Variants in MRNIP observed in about 807,000 individuals in gnomAD.
MRNIP encodes the protein MRN complex-interacting protein.
In MRNIP, 30 loss-of-function variants were observed where a neutral mutation model predicts 29.8. That is an observed-to-expected ratio of 1.01 (90% CI 0.75 to 1.36). MRNIP has a LOEUF of 1.36. Among genes scored for constraint, MRNIP ranks in the 40% most tolerant of loss-of-function variants. The pLI, the probability that MRNIP is intolerant of heterozygous loss-of-function variation, is 0.00. For missense variants in MRNIP, 459 were observed against 423.5 expected (o/e 1.08, Z -0.74); for synonymous variants, 201 against 164.1 (o/e 1.23, Z -1.72).
At chr5:179,855,832 ACTTCTCAG>A (rs1759552281) in intron 1 of MRNIP, among the ~76,000 whole-genome samples, 1 of 152,054 alleles carries the variant, frequency 6.6e-6, no homozygotes, top group Non-Finnish European at 1.5e-5. Flanking sequence ...TAGCAATTTT[ACTTCTCAG>A]CTTCTACCTT....
rs1758653979 is a variant in MRNIP, at chr5:179,837,601, T to C, written c.822A>G (p.Glu274=). 6.2e-7 allele frequency: 1 copy of C among 1,614,072 alleles called. No homozygotes were observed. The highest frequency in any genetic ancestry group is 8.5e-7 in the Non-Finnish European group (1 of 1,179,936). ...CAGCGGCAGTGGGCCTGCTGAGGCC[T>C]TCTCTTGAGGCCTGTGCTCTGGGGG... The part of the protein sequence containing the change: ...QGTPRAQASR[E]GLSRPTAAVQ... Residue 274 remains glutamate, a synonymous_variant, in exon 7 of 7, where the codon GAA becomes GAG. Transcript: ENST00000292586.
At chr5:179,848,912 T>G (rs1179678771) in intron 2 of MRNIP, among the ~76,000 whole-genome samples, 2 of 152,194 alleles carry the variant, frequency 1.3e-5, no homozygotes, top group African/African-American at 4.8e-5. Context: ...GAGGCCAGCA[T>G]CGCTGGAGCT....
At chr5:179,853,531 T>C in intron 1 of MRNIP, 94 bp from the exon 2 acceptor site, 1 of 1,009,784 alleles carries the variant, frequency 9.9e-7, no homozygotes, top group African/African-American at 1.6e-5. Context: ...AATCCCCCTT[T>C]GGGAGGCCGA....
Position 179,837,424 on chromosome 5 carries a change from A to G in MRNIP, c.999T>C (p.Phe333=), listed in dbSNP as rs781266614. 6.2e-7 allele frequency: 1 copy of G among 1,603,870 alleles called. No individual in the cohort carries two copies. The highest frequency in any genetic ancestry group is 1.3e-5 in the African/African-American group (1 of 74,546). Residue 333 remains phenylalanine, a synonymous_variant, in exon 7 of 7, where the codon TTT becomes TTC. Coordinates refer to ENST00000292586, the MANE Select transcript of MRNIP (RefSeq NM_016175.4). ...NPRPTRLCDL[F]ITGEDFDDDV is the part of the protein sequence containing the mutation. Reference sequence around the variant, plus strand: ...CATCATCGAAGTCTTCCCCAGTTATAAAGAGGTCACATAGTCGTGTGGGTC... The same window carrying G: ...CATCATCGAAGTCTTCCCCAGTTATGAAGAGGTCACATAGTCGTGTGGGTC...
intron 1 of MRNIP, among the ~76,000 whole-genome samples, chr5:179,856,087 T>C (rs571178490): frequency 2.6e-4 from 39 of 152,050 alleles, no homozygotes; most frequent in Non-Finnish European, 4.3e-4. Flanking sequence ...TTTGTATTTT[T>C]AGTAGAGACG....
intron 1 of MRNIP, among the ~76,000 whole-genome samples, chr5:179,856,571 G>A (rs764518944): frequency 6.6e-6 from 1 of 152,172 alleles, no homozygotes; most frequent in Non-Finnish European, 1.5e-5. Flanking sequence ...CTGGACTGAA[G>A]CGATTCTCCT....
chr5:179,851,885 G>T (rs1198217559), intron 2 of MRNIP, among the ~76,000 whole-genome samples: 10 of 152,016 alleles, frequency 6.6e-5, no homozygotes. Flanking sequence ...GGCTGAGGCA[G>T]GAGAATGGCG....
At chr5:179,851,890 A>C (rs1010023617) in intron 2 of MRNIP, among the ~76,000 whole-genome samples, 1 of 152,044 alleles carries the variant, frequency 6.6e-6, no homozygotes, top group Non-Finnish European at 1.5e-5. Context: ...AGGCAGGAGA[A>C]TGGCGTAAAC....
chr5:179,841,043 C>T, intron 5 of MRNIP, 84 bp from the exon 6 acceptor site: 1 of 978,170 alleles, frequency 1.0e-6, no homozygotes, highest in East Asian at 2.7e-5. Flanking sequence ...GGCCCACAGG[C>T]TCGGGTGGCC....
chr5:179,842,906 G>A (rs1443061378), intron 4 of MRNIP, among the ~76,000 whole-genome samples: 2 of 151,236 alleles, frequency 1.3e-5, no homozygotes, highest in African/African-American at 4.9e-5. Flanking sequence ...GGTGGTGCGT[G>A]CCTGTAATCC....
intron 6 of MRNIP, 39 bp from the exon 7 acceptor site, chr5:179,837,924 C>T (rs1395443339): frequency 6.3e-7 from 1 of 1,578,242 alleles, no homozygotes; most frequent in Non-Finnish European, 8.6e-7. Flanking sequence ...TGTGTAAGAA[C>T]AATGCCAGGG....
At chr5:179,842,728 A>AAAAAAAC (rs1251572516) in intron 4 of MRNIP, among the ~76,000 whole-genome samples, 1 of 131,874 alleles carries the variant, frequency 7.6e-6, no homozygotes, top group African/African-American at 2.8e-5. Flanking sequence ...AAAAAAAAAA[A>AAAAAAAC]AAGAACAGAG....
intron 3 of MRNIP, among the ~76,000 whole-genome samples, chr5:179,845,047 C>G (rs1252056037): frequency 6.6e-6 from 1 of 152,214 alleles, no homozygotes; most frequent in Non-Finnish European, 1.5e-5. Context: ...GAACTCTCCT[C>G]TGTAACCTCC....
intron 4 of MRNIP, among the ~76,000 whole-genome samples, chr5:179,843,045 G>GGGGAAA (rs1554093107): frequency 2.7e-5 from 3 of 109,696 alleles, no homozygotes; most frequent in South Asian, 6.3e-4. Context: ...GAGGAAAGAA[G>GGGGAAA]GAAGGAAGGA....
At chr5:179,856,351 G>C (rs539616859) in intron 1 of MRNIP, among the ~76,000 whole-genome samples, 1 of 152,334 alleles carries the variant, frequency 6.6e-6, no homozygotes, top group African/African-American at 2.4e-5. Context: ...ATGTCTCTAA[G>C]ATGGGAATGA....
intron 2 of MRNIP, chr5:179,853,094 G>A (rs1759435888): frequency 4.4e-6 from 3 of 675,904 alleles, no homozygotes; most frequent in Non-Finnish European, 7.2e-6. Context: ...GCATCTGTGA[G>A]GGCAAGAATG....
intron 1 of MRNIP, among the ~76,000 whole-genome samples, chr5:179,853,774 A>AC (rs1439680388): frequency 4.3e-4 from 65 of 151,450 alleles, no homozygotes; most frequent in East Asian, 1.2e-3. Flanking sequence ...TCCATCTCAA[A>AC]AAAACAAACA....
rs1758851043 is a variant in MRNIP at position 179,840,876 on chromosome 5, T to C, written c.533A>G (p.Gln178Arg). The C allele has an allele frequency of 1.2e-6, 2 of 1,608,412 alleles. No individual in the cohort carries two copies. The highest frequency in any genetic ancestry group is 1.7e-5 in the Admixed American group (1 of 59,728). ...SGGSEVAWGPQKGQAGLTWKV... is the reference protein window; with the variant it reads ...SGGSEVAWGPRKGQAGLTWKV... The stretch of plus-strand genomic sequence containing the variant: ...GAGAAACTGTTTGTCACTGACCTTC[T>C]GGGGTCCCCAGGCGACCTCAGAGCC... Residue 178 changes from glutamine (Q) to arginine (R), a missense_variant, in exon 6 of 7, where the codon CAG becomes CGG. Coordinates refer to ENST00000292586, the MANE Select transcript of MRNIP (RefSeq NM_016175.4).
intron 2 of MRNIP, among the ~76,000 whole-genome samples, chr5:179,849,389 A>G (rs1191765791): frequency 1.3e-5 from 2 of 151,620 alleles, no homozygotes; most frequent in African/African-American, 4.8e-5. Context: ...TGACACAGGC[A>G]GATGGTAAGA....
Sources: gnomAD v4.1 joint callset for allele counts (sites outside exome capture counted in the v4.1 genomes callset) on GRCh38, gnomAD v4.1.1 for gene constraint, MANE v1.5 for transcripts, NCBI Gene and HGNC (gene_info 2026-07-23, HGNC 2026-07-21) for gene names.